The following FER variants were observed in gnomAD, a reference collection of about 807,000 sequenced individuals.
FER encodes the protein FER tyrosine kinase, also known as tyrosine-protein kinase Fer.
FER carries 63 observed loss-of-function variants against 111.0 expected under a neutral mutation model. The ratio of observed to expected loss-of-function variants is 0.57; its 90% CI spans 0.46 to 0.70. The LOEUF is 0.70. Among genes scored for constraint, FER ranks in the 30% least tolerant of loss-of-function variants. The pLI is 0.00. For missense variants in FER, 914 were observed against 954.0 expected, an observed-to-expected ratio of 0.96 and a Z score of 0.55; for synonymous variants, 327 against 313.9, an observed-to-expected ratio of 1.04 and a Z score of -0.44.
At chr5:109,008,181 A>G (rs1378070805) in intron 13 of FER, among the ~76,000 whole-genome samples, 2 of 152,176 alleles carry the variant, frequency 1.3e-5, no homozygotes, top group Non-Finnish European at 2.9e-5. Flanking sequence ...ACCTTATATT[A>G]TTGAGTTTAT....
chr5:108,785,543 G>A lies in FER; in HGVS notation c.-59-12581G>A, dbSNP rs1056093178. On this transcript the variant is annotated intron_variant, in intron 2 of 19. Coordinates refer to ENST00000281092, the MANE Select transcript of FER (RefSeq NM_005246.4). ...GGTGTGAGTGTGGCAGGTGACATGG[G>A]CACCTGCTAGAAGTTTATGGCAGAG... 14 of 539,090 alleles carry A rather than the reference G, an allele frequency of 2.6e-5. 1 individual carries two copies. Among genetic ancestry groups the A allele is most frequent in the South Asian group, 1.7e-4 (12 of 69,708 alleles). 33.4% of individuals were successfully genotyped at this position (539,090 alleles called of 1,614,324 possible).
chr5:108,972,385 A>G (rs1400508626), intron 13 of FER, among the ~76,000 whole-genome samples: 2 of 152,108 alleles, frequency 1.3e-5, no homozygotes, highest in Non-Finnish European at 2.9e-5. Flanking sequence ...TGCAGCTCAC[A>G]TACACTTCTG....
intron 13 of FER, among the ~76,000 whole-genome samples, chr5:109,015,549 T>TATC (rs138437147): frequency 0.01 from 1,581 of 152,084 alleles, 21 homozygotes; most frequent in African/African-American, 0.036. Flanking sequence ...AAAGAGCTTC[T>TATC]ATCTGCCAGT....
chr5:109,184,785 T>G (rs1259297159), intron 18 of FER, among the ~76,000 whole-genome samples: 1 of 152,232 alleles, frequency 6.6e-6, no homozygotes, highest in African/African-American at 2.4e-5. Flanking sequence ...AATCAGTTAG[T>G]ACAACCCCAC....
intron 17 of FER, among the ~76,000 whole-genome samples, chr5:109,126,443 A>C (rs1268604132): frequency 6.6e-6 from 1 of 152,242 alleles, no homozygotes; most frequent in Non-Finnish European, 1.5e-5. Flanking sequence ...CTTGGAAGAA[A>C]AAGAATTTAG....
At position 108,768,481 on chromosome 5, in the gene FER, A is replaced by G. The variant is rs576795965; in HGVS notation, c.-60+243A>G. ...AACACTTATAATTAGCAGAATCCCAATCTGTATCTCTTCCTCAATCTGTGT... is the reference window on the plus strand; with the variant it reads ...AACACTTATAATTAGCAGAATCCCAGTCTGTATCTCTTCCTCAATCTGTGT... On this transcript the variant is annotated intron_variant, in intron 2 of 19. Transcript: ENST00000281092. Among the ~76,000 whole-genome samples, 4 of 152,296 alleles carry G rather than the reference A, an allele frequency of 2.6e-5. No homozygotes were observed. The South Asian group carries it at 8.3e-4, about 32-fold the overall frequency.
intron 3 of FER, among the ~76,000 whole-genome samples, chr5:108,806,934 CATGAG>C (rs1425367756): frequency 6.6e-6 from 1 of 152,056 alleles, no homozygotes; most frequent in Non-Finnish European, 1.5e-5. Context: ...AATGTGAGGA[CATGAG>C]ATTTGGGAGG....
At position 109,034,751 on chromosome 5, in the gene FER, C is replaced by G. The variant is rs73779104; in HGVS notation, c.1657-2671C>G. Among the ~76,000 whole-genome samples the G allele has an allele frequency of 6.6e-3, 1,009 of 152,118 alleles. 12 individuals are homozygous for G. Among genetic ancestry groups the G allele is most frequent in the African/African-American group, 0.023 (945 of 41,514 alleles). On this transcript the variant is annotated intron_variant, in intron 13 of 19. Coordinates refer to ENST00000281092, the MANE Select transcript of FER (RefSeq NM_005246.4). Reference sequence around the variant, plus strand: ...TTTGCACTACAAGGATTGGGCTCAACTGCCTAGGTTATCATTGTCTAAAGT... The same window carrying G: ...TTTGCACTACAAGGATTGGGCTCAAGTGCCTAGGTTATCATTGTCTAAAGT...
chr5:109,138,619 T>C (rs1481345044), intron 17 of FER, among the ~76,000 whole-genome samples: 1 of 152,186 alleles, frequency 6.6e-6, no homozygotes, highest in Admixed American at 6.5e-5. Flanking sequence ...TTTGAAGAAA[T>C]GTTATTGCCT....
intron 10 of FER, among the ~76,000 whole-genome samples, chr5:108,898,277 AT>A (rs533998392): frequency 2.0e-5 from 3 of 152,044 alleles, no homozygotes; most frequent in Admixed American, 6.6e-5. Flanking sequence ...TAGTTTAAGA[AT>A]TTTTTTTCTG....
intron 18 of FER, among the ~76,000 whole-genome samples, chr5:109,183,395 C>T (rs1255778260): frequency 6.6e-6 from 1 of 151,940 alleles, no homozygotes; most frequent in Non-Finnish European, 1.5e-5. Flanking sequence ...ACTACAGGTG[C>T]CCGCCACCAC....
chr5:109,143,478 A>G (rs376740932), intron 17 of FER, among the ~76,000 whole-genome samples: 11 of 152,082 alleles, frequency 7.2e-5, no homozygotes, highest in Non-Finnish European at 1.0e-4. Flanking sequence ...AGACCTTTCT[A>G]TCAGCCTAAC....
At chr5:109,066,405 A>G (rs1250474879) in intron 16 of FER, among the ~76,000 whole-genome samples, 1 of 152,206 alleles carries the variant, frequency 6.6e-6, no homozygotes, top group African/African-American at 2.4e-5. Context: ...GATTTTGTAC[A>G]TAGGTAATTA....
intron 17 of FER, among the ~76,000 whole-genome samples, chr5:109,165,602 GT>G (rs1756456925): frequency 1.0e-5 from 1 of 97,310 alleles, no homozygotes; most frequent in Non-Finnish European, 2.3e-5. Context: ...TGGTGTGTGT[GT>G]GTGTGTGTGT....
chr5:108,873,342 G>A (rs1253005264), intron 8 of FER, among the ~76,000 whole-genome samples: 1 of 151,848 alleles, frequency 6.6e-6, no homozygotes, highest in African/African-American at 2.4e-5. Context: ...ATGGGGTTTT[G>A]CCCTGCTGGC....
chr5:109,052,625 T>C (rs527572010), intron 16 of FER, among the ~76,000 whole-genome samples: 10 of 152,292 alleles, frequency 6.6e-5, no homozygotes, highest in African/African-American at 1.9e-4. Context: ...CTTCCCCCAA[T>C]GAAAGAAAAG....
chr5:108,991,433 T>C (rs1304911507), intron 13 of FER, among the ~76,000 whole-genome samples: 1 of 152,010 alleles, frequency 6.6e-6, no homozygotes, highest in Admixed American at 6.5e-5. Context: ...TACTGAAAAT[T>C]ATTAATTTGT....
intron 13 of FER, among the ~76,000 whole-genome samples, chr5:109,006,584 G>C (rs1008415332): frequency 1.2e-4 from 19 of 152,238 alleles, no homozygotes; most frequent in Non-Finnish European, 2.5e-4. Flanking sequence ...CAAGCAGTAA[G>C]CAAGGTTTTG....
chr5:109,174,878 T>C (rs1393641630), intron 17 of FER, among the ~76,000 whole-genome samples: 3 of 152,204 alleles, frequency 2.0e-5, no homozygotes, highest in East Asian at 3.9e-4. Context: ...TTACAGACTC[T>C]GGAGCTGCGC....
Sources: gnomAD v4.1 joint callset for allele counts (sites outside exome capture counted in the v4.1 genomes callset) on GRCh38, gnomAD v4.1.1 for gene constraint, MANE v1.5 for transcripts, NCBI Gene and HGNC (gene_info 2026-07-23, HGNC 2026-07-21) for gene names.